HLA-DPA1: variants seen among roughly 807,000 people sequenced by gnomAD.
HLA-DPA1 encodes the protein major histocompatibility complex, class II, DP alpha 1, also known as HLA class II histocompatibility antigen, DP alpha 1 chain.
In HLA-DPA1, 20 loss-of-function variants were observed where a neutral mutation model predicts 21.5. That is an observed-to-expected ratio of 0.93 (90% CI 0.66 to 1.35). The LOEUF (loss-of-function observed/expected upper bound fraction) is 1.35. Ranked by LOEUF, HLA-DPA1 falls within the 40% of genes most tolerant of loss-of-function variation. The probability of loss-of-function intolerance (pLI) is 0.00; values close to 1 mark genes in which losing one functional copy is unlikely to be tolerated. For synonymous variants in HLA-DPA1, 123 were observed against 129.6 expected, an observed-to-expected ratio of 0.95 and a Z score of 0.35; for missense variants, 279 against 323.0, an observed-to-expected ratio of 0.86 and a Z score of 1.05.
At chr6:33,074,768 A>G (rs1464634495) in intron 1 of HLA-DPA1, among the ~76,000 whole-genome samples, 1 of 152,180 alleles carries the variant, frequency 6.6e-6, no homozygotes, top group African/African-American at 2.4e-5. Flanking sequence ...AAATTACCTG[A>G]GACATCGAGG....
chr6:33,073,598 G>A (rs769547630), exon 2 of HLA-DPA1: 3 of 1,535,346 alleles, frequency 2.0e-6, no homozygotes, highest in Non-Finnish European at 2.7e-6. Context: ...TGATGACTGT[G>A]AGCACAGGAA....
chr6:33,074,091 A>G (rs1762421585), intron 1 of HLA-DPA1, among the ~76,000 whole-genome samples: 1 of 151,950 alleles, frequency 6.6e-6, no homozygotes, highest in Non-Finnish European at 1.5e-5. Flanking sequence ...TTTCAGGTCC[A>G]CCTCCCTGAG....
At chr6:33,079,897 A>G (rs1461160769) in intron 1 of HLA-DPA1, 1 of 264,268 alleles carries the variant, frequency 3.8e-6, no homozygotes, top group Non-Finnish European at 7.4e-6. Flanking sequence ...AAATAAAACC[A>G]TAAAAACTGC....
chr6:33,073,931 C>T (rs1192274063), intron 1 of HLA-DPA1, among the ~76,000 whole-genome samples: 4 of 152,162 alleles, frequency 2.6e-5, no homozygotes, highest in African/African-American at 9.7e-5. Context: ...GAGCCCCACC[C>T]CCATCCCAGA....
At chr6:33,070,754 T>C (rs1019282237) in intron 2 of HLA-DPA1, among the ~76,000 whole-genome samples, 2 of 152,238 alleles carry the variant, frequency 1.3e-5, no homozygotes, top group African/African-American at 4.8e-5. Context: ...GTTTGTTGTA[T>C]AGGTAAACTC....
exon 3 of HLA-DPA1, chr6:33,069,783 G>A (rs1042176): frequency 0.16 from 254,238 of 1,587,916 alleles, 24,788 homozygotes; most frequent in African/African-American, 0.34. Flanking sequence ...TCTCCTTCTT[G>A]TCCAGATCCA....
At chr6:33,068,978 G>C in intron 4 of HLA-DPA1, 41 bp downstream of exon 3, 1 of 1,602,922 alleles carries the variant, frequency 6.2e-7, no homozygotes, top group Non-Finnish European at 8.5e-7. Context: ...CTTTGGAATA[G>C]AGGATGCCAG....
chr6:33,072,979 A>G (rs917980495), intron 2 of HLA-DPA1, among the ~76,000 whole-genome samples: 3 of 152,168 alleles, frequency 2.0e-5, no homozygotes, highest in African/African-American at 7.2e-5. Flanking sequence ...CTCCTAATGC[A>G]GAGTCCATAG....
At chr6:33,068,930 C>T (rs1486577100) in intron 4 of HLA-DPA1, 89 bp downstream of exon 3, 7 of 1,543,388 alleles carry the variant, frequency 4.5e-6, no homozygotes, top group African/African-American at 1.4e-5. Context: ...GGACTGAGAC[C>T]CAGCCAGTGC....
chr6:33,080,569 T>C lies in HLA-DPA1; in HGVS notation c.-100+111A>G, dbSNP rs1280252638. 3 of 1,549,044 alleles carry C rather than the reference T, an allele frequency of 1.9e-6. No individual in the cohort carries two copies. The highest frequency in any genetic ancestry group is 2.7e-6 in the Non-Finnish European group (3 of 1,126,752). ...AAACTCCTATTTTAAAATCCAGCCC[T>C]GGGTGGGAAGATTTGGGAAGAATCG... is the stretch of plus-strand genomic sequence containing the variant. On this transcript the variant is annotated intron_variant, in intron 1 of 5. Transcript: ENST00000419277. This position sits in a 1 kb window ranked among gnomAD's most constrained non-coding sequence, Gnocchi z 4.3.
chr6:33,077,078 C>A (rs1762578270), intron 1 of HLA-DPA1, among the ~76,000 whole-genome samples: 1 of 116,398 alleles, frequency 8.6e-6, no homozygotes, highest in Admixed American at 1.1e-4. Context: ...CCTCCCCCCA[C>A]CCCACAACAG....
chr6:33,069,203 G>A, exon 4 of HLA-DPA1: 1 of 1,612,940 alleles, frequency 6.2e-7, no homozygotes, highest in Non-Finnish European at 8.5e-7. Context: ...ACGTGACGTT[G>A]AGCACTGGTG....
chr6:33,078,969 G>T (rs1294059879), intron 1 of HLA-DPA1, among the ~76,000 whole-genome samples: 2 of 152,122 alleles, frequency 1.3e-5, no homozygotes, highest in Non-Finnish European at 2.9e-5. Context: ...GAATTTTAGG[G>T]TCTGGGGCCC....
At chr6:33,075,781 A>G in intron 1 of HLA-DPA1, 1 of 485,452 alleles carries the variant, frequency 2.1e-6, no homozygotes, top group Non-Finnish European at 3.6e-6. Context: ...TAAAATGAGT[A>G]TCACTGTCTT....
intron 2 of HLA-DPA1, among the ~76,000 whole-genome samples, chr6:33,071,357 A>G (rs1428219083): frequency 1.3e-5 from 2 of 152,224 alleles, no homozygotes; most frequent in East Asian, 3.8e-4. Flanking sequence ...CTCATCAGGA[A>G]AAAGAGGGTA....
exon 4 of HLA-DPA1, chr6:33,069,290 C>T (rs760411464): frequency 3.1e-6 from 5 of 1,612,250 alleles, no homozygotes; most frequent in East Asian, 2.2e-5. Flanking sequence ...ACACGGTCAC[C>T]TCAGGGGGAT....
chr6:33,068,728 G>C (rs1042434), exon 5 of HLA-DPA1: 354,084 of 1,612,380 alleles, frequency 0.22, 52,322 homozygotes, highest in East Asian at 0.64. Context: ...CGATGATGCC[G>C]ACTAGGCCCA....
At chr6:33,079,592 A>C (rs566156542) in intron 1 of HLA-DPA1, 6 of 428,714 alleles carry the variant, frequency 1.4e-5, no homozygotes, top group African/African-American at 1.0e-4. Flanking sequence ...GGTTCGTAGA[A>C]GGTCCAAGGG....
At chr6:33,075,270 C>A (rs1583104041) in intron 1 of HLA-DPA1, among the ~76,000 whole-genome samples, 1 of 152,116 alleles carries the variant, frequency 6.6e-6, no homozygotes, top group Admixed American at 6.5e-5. Context: ...CAGGTTATAT[C>A]ATCCCCATAT....
Sources: gnomAD v4.1 joint callset for allele counts (sites outside exome capture counted in the v4.1 genomes callset) on GRCh38, gnomAD v4.1.1 for gene constraint, Gnocchi (gnomAD v3.1) non-coding constraint, MANE v1.5 for transcripts, NCBI Gene and HGNC (gene_info 2026-07-23, HGNC 2026-07-21) for gene names.